The following FRYL variants were observed in gnomAD, a reference collection of about 807,000 sequenced individuals.
FRYL encodes the protein protein furry homolog-like.
FRYL carries 150 observed loss-of-function variants against 351.2 expected under a neutral mutation model. That is an observed-to-expected ratio of 0.43 (90% CI 0.37 to 0.49). The LOEUF is 0.49. Ranked by LOEUF, FRYL falls within the 20% of genes least tolerant of loss-of-function variation. The probability of loss-of-function intolerance (pLI) is 0.00; values close to 1 mark genes in which losing one functional copy is unlikely to be tolerated. For missense variants in FRYL, 3,036 were observed against 3,619.3 expected, an observed-to-expected ratio of 0.84 and a Z score of 4.13; for synonymous variants, 1,153 against 1,257.1, an observed-to-expected ratio of 0.92 and a Z score of 1.75.
chr4:48,589,348 C>A (rs542772453), intron 18 of FRYL, among the ~76,000 whole-genome samples: 37 of 147,658 alleles, frequency 2.5e-4, no homozygotes, highest in Admixed American at 2.0e-3. Context: ...TCCTAGGAGT[C>A]AAAAATAATC....
At chr4:48,710,361 A>T (rs1265141641) in intron 2 of FRYL, among the ~76,000 whole-genome samples, 158 bp downstream of exon 2, 1 of 152,214 alleles carries the variant, frequency 6.6e-6, no homozygotes, top group Non-Finnish European at 1.5e-5. Context: ...TTCTGTGCAC[A>T]GAATGTAATA....
At chr4:48,662,062 A>G (rs1258452554) in intron 3 of FRYL, among the ~76,000 whole-genome samples, 1 of 152,182 alleles carries the variant, frequency 6.6e-6, no homozygotes, top group Non-Finnish European at 1.5e-5. Flanking sequence ...ACAAACAAAA[A>G]TGAACCTAGA....
intron 45 of FRYL, among the ~76,000 whole-genome samples, chr4:48,541,589 G>A (rs1730174610): frequency 6.6e-6 from 1 of 152,218 alleles, no homozygotes; most frequent in Non-Finnish European, 1.5e-5. Context: ...CTACCCTGAA[G>A]GAGTTAGAAA....
chr4:48,756,765 C>T (rs528448747), intron 1 of FRYL, among the ~76,000 whole-genome samples: 3 of 152,220 alleles, frequency 2.0e-5, no homozygotes, highest in Admixed American at 6.5e-5. Flanking sequence ...CTAGGCAACA[C>T]AGTAAGACCC....
intron 3 of FRYL, among the ~76,000 whole-genome samples, chr4:48,641,553 T>C (rs570849588): frequency 9.2e-5 from 14 of 152,232 alleles, no homozygotes; most frequent in Middle Eastern, 6.8e-3. Flanking sequence ...AAGCCACTAA[T>C]GGCTTAACGA....
intron 1 of FRYL, among the ~76,000 whole-genome samples, chr4:48,757,193 A>G (rs1773882262): frequency 6.6e-6 from 1 of 152,220 alleles, no homozygotes; most frequent in Admixed American, 6.5e-5. Context: ...GGCACAAGAC[A>G]AGGATGCCCT....
At chr4:48,630,406 TAG>T (rs1752716502) in intron 4 of FRYL, among the ~76,000 whole-genome samples, 7 of 152,162 alleles carry the variant, frequency 4.6e-5, no homozygotes, top group Admixed American at 4.6e-4. Context: ...GTGAAAATTT[TAG>T]AGTTTTTAAA....
At chr4:48,745,742 T>C (rs1772603340) in intron 1 of FRYL, among the ~76,000 whole-genome samples, 1 of 152,058 alleles carries the variant, frequency 6.6e-6, no homozygotes, top group Non-Finnish European at 1.5e-5. Context: ...CCCTAGAACT[T>C]AAATAATAAT....
At chr4:48,678,450 A>T (rs1764091838) in intron 3 of FRYL, among the ~76,000 whole-genome samples, 1 of 139,964 alleles carries the variant, frequency 7.1e-6, no homozygotes, top group Non-Finnish European at 1.5e-5. Flanking sequence ...CGGAGGTTGC[A>T]GTGAGCCAAG....
At position 48,498,187 on chromosome 4, in the gene FRYL, TAGTC is replaced by T. The variant is rs1297895917; in HGVS notation, c.*1231_*1234del. ...TGAATAAGTATATTGCATGTTTTGG[TAGTC>T]AGTCTTCAGGCTTCCTTTCATTTCC... On this transcript the variant is annotated 3_prime_UTR_variant, in exon 64 of 64. Coordinates refer to ENST00000358350, the MANE Select transcript of FRYL (RefSeq NM_015030.2). The T allele has an allele frequency of 6.6e-6, 1 of 152,148 alleles. No individual in the cohort carries two copies. Among genetic ancestry groups the T allele is most frequent in the Admixed American group, 6.5e-5 (1 of 15,272 alleles). 9.4% of individuals were successfully genotyped at this position (152,148 alleles called of 1,614,324 possible).
Position 48,586,636 on chromosome 4 carries a change from A to G in FRYL, c.1733T>C (p.Ile578Thr), listed in dbSNP as rs888543812. 4.3e-6 allele frequency: 7 copies of G among 1,609,206 alleles called. No homozygotes were observed. The highest frequency in any genetic ancestry group is 2.7e-5 in the African/African-American group (2 of 74,836). Residue 578 changes from isoleucine (I) to threonine (T), a missense_variant, in exon 19 of 64, where the codon ATT becomes ACT. Physicochemically the swap from Ile to Thr is moderately conservative, Grantham distance 89 (BLOSUM62 -1). Around this residue, in one of 7 missense-constraint regions of FRYL, gnomAD observed 78 missense variants for 106.6 expected, o/e 0.73. Coordinates refer to ENST00000358350, the MANE Select transcript of FRYL (RefSeq NM_015030.2). Reference protein sequence around the residue: ...IPDGMSRTDLIELLARLTIHM... With the variant: ...IPDGMSRTDLTELLARLTIHM... Reference sequence around the variant, plus strand: ...TCTCATTTACCTTGCTAACAATTCAATCAGGTCAGTTCTGCTCATACCGTC... The same window carrying G: ...TCTCATTTACCTTGCTAACAATTCAGTCAGGTCAGTTCTGCTCATACCGTC...
chr4:48,499,093 T>G lies in FRYL; in HGVS notation c.*329A>C. On this transcript the variant is annotated 3_prime_UTR_variant, in exon 64 of 64. Transcript: ENST00000358350. ...TTGGTTGTTTCAGTATTGGAGGCCA[T>G]TATTGCAAACATTCTTGGAATTCTT... 4.6e-6 allele frequency: 1 copy of G among 219,452 alleles called. No individual in the cohort carries two copies. Among genetic ancestry groups the G allele is most frequent in the Non-Finnish European group, 9.1e-6 (1 of 109,464 alleles). The allele number at this position is 219,452 out of a possible 1,614,324, so 13.6% of individuals were successfully genotyped here.
At chr4:48,559,664 GAGAGAGGA>G (rs1417373112) in intron 33 of FRYL, among the ~76,000 whole-genome samples, 1 of 96,378 alleles carries the variant, frequency 1.0e-5, no homozygotes, top group Non-Finnish European at 2.0e-5. Context: ...GGGAGGGAGG[GAGAGAGGA>G]AGAGGGGGAG....
chr4:48,589,285 G>A (rs1444432129), intron 18 of FRYL, among the ~76,000 whole-genome samples: 1 of 151,944 alleles, frequency 6.6e-6, no homozygotes, highest in African/African-American at 2.4e-5. Context: ...GTGGGATGAG[G>A]TAGTGTTTCG....
chr4:48,744,958 T>C (rs1276354451), intron 1 of FRYL, among the ~76,000 whole-genome samples: 2 of 152,170 alleles, frequency 1.3e-5, no homozygotes, highest in African/African-American at 2.4e-5. Context: ...CAAAGGATAA[T>C]AGATGTCCCA....
chr4:48,685,838 C>T (rs963092002), intron 2 of FRYL, among the ~76,000 whole-genome samples: 5 of 152,010 alleles, frequency 3.3e-5, no homozygotes, highest in Non-Finnish European at 7.4e-5. Context: ...ACTGCAACCT[C>T]CACCTCCCGG....
In FRYL at chr4:48,561,508, T is replaced by TA; in HGVS notation, c.3824dup (p.Ala1276SerfsTer6). The TA allele has an allele frequency of 6.2e-7, 1 of 1,611,214 alleles. No homozygotes were observed. The highest frequency in any genetic ancestry group is 8.5e-7 in the Non-Finnish European group (1 of 1,178,246). ...GAGTTAGCTCAGGATACGCCCTTGC[T>TA]AGTTCCTCGGACAACTGATAATATG... On this transcript the variant is annotated frameshift_variant, in exon 33 of 64. Coordinates refer to ENST00000358350, the MANE Select transcript of FRYL (RefSeq NM_015030.2). LOFTEE classifies it high-confidence loss of function.
chr4:48,699,875 T>C (rs1223285227), intron 2 of FRYL, among the ~76,000 whole-genome samples: 2 of 152,200 alleles, frequency 1.3e-5, no homozygotes, highest in Non-Finnish European at 2.9e-5. Flanking sequence ...CTAGATTTGC[T>C]ACTACTCTTA....
intron 46 of FRYL, 101 bp from the exon 47 acceptor site, chr4:48,540,169 T>G (rs537279226): frequency 8.6e-7 from 1 of 1,163,728 alleles, no homozygotes; most frequent in African/African-American, 1.6e-5. Context: ...CATTTTCTTT[T>G]CATTTCCTGG....
Sources: allele counts gnomAD v4.1 joint callset (sites outside exome capture counted in the v4.1 genomes callset), GRCh38; gene constraint gnomAD v4.1.1; regional missense constraint gnomAD v4.1.1; transcripts MANE v1.5; gene names NCBI Gene and HGNC (gene_info 2026-07-23, HGNC 2026-07-21).